The following ZSWIM6 variants were observed in gnomAD, a reference collection of about 807,000 sequenced individuals.
The protein encoded by ZSWIM6 is zinc finger SWIM-type containing 6, also known as zinc finger SWIM domain-containing protein 6.
Under a neutral mutation model 113.2 loss-of-function variants are expected in ZSWIM6, and 9 were observed. The observed-to-expected ratio is 0.08, with a 90% confidence interval of 0.05 to 0.14. The LOEUF is 0.14. Among genes scored for constraint, ZSWIM6 ranks in the 10% least tolerant of loss-of-function variants. The pLI is 1.00. For missense variants in ZSWIM6, 1,162 were observed against 1,552.2 expected (o/e 0.75, Z 4.22); for synonymous variants, 611 against 606.5 (o/e 1.01, Z -0.11).
chr5:61,488,356 T>C (rs1459452472), intron 2 of ZSWIM6, among the ~76,000 whole-genome samples: 1 of 151,916 alleles, frequency 6.6e-6, no homozygotes, highest in Non-Finnish European at 1.5e-5. Flanking sequence ...TTTGGTACCA[T>C]GCTGACATTA....
chr5:61,339,728 A>G (rs992726947), intron 1 of ZSWIM6, among the ~76,000 whole-genome samples: 3 of 152,194 alleles, frequency 2.0e-5, no homozygotes, highest in East Asian at 1.9e-4. Flanking sequence ...AAGGTAGTAA[A>G]CAGTATGAAA....
Position 61,468,671 on chromosome 5 carries a change from G to T in ZSWIM6, c.677-4010G>T, listed in dbSNP as rs1580011484. On this transcript the variant is annotated intron_variant, in intron 1 of 13. Transcript: ENST00000252744. ...AAACAAAACCTAAGAGGTATGACCA[G>T]CAGGGGGATGTTTTACAGCCTTCTT... Among the ~76,000 whole-genome samples the T allele has an allele frequency of 2.0e-5, 3 of 152,276 alleles. No homozygotes were observed. The South Asian group carries it at 6.2e-4, about 32-fold the overall frequency.
intron 1 of ZSWIM6, among the ~76,000 whole-genome samples, chr5:61,399,079 T>C (rs1024338103): frequency 6.6e-6 from 1 of 151,554 alleles, no homozygotes; most frequent in Admixed American, 6.6e-5. Flanking sequence ...CATGCCACCA[T>C]GCCAGGCTAA....
chr5:61,476,405 AAT>A (rs1257260173), intron 2 of ZSWIM6, among the ~76,000 whole-genome samples: 4 of 152,184 alleles, frequency 2.6e-5, no homozygotes, highest in African/African-American at 9.6e-5. Flanking sequence ...AGGTTGTTGG[AAT>A]ATAGTTTGTC....
At chr5:61,489,715 A>G (rs1292162190) in intron 2 of ZSWIM6, among the ~76,000 whole-genome samples, 2 of 152,054 alleles carry the variant, frequency 1.3e-5, no homozygotes, top group Non-Finnish European at 2.9e-5. Flanking sequence ...TTGTACCGCT[A>G]TTCTATCTCC....
intron 12 of ZSWIM6, among the ~76,000 whole-genome samples, chr5:61,541,339 CAG>C (rs1749732774): frequency 6.6e-6 from 1 of 152,132 alleles, no homozygotes; most frequent in Non-Finnish European, 1.5e-5. Flanking sequence ...AAAACAAAAT[CAG>C]ATCACTAATG....
intron 7 of ZSWIM6, 71 bp from the exon 8 acceptor site, chr5:61,529,981 C>T: frequency 1.5e-6 from 2 of 1,351,558 alleles, no homozygotes; most frequent in Non-Finnish European, 2.0e-6. Flanking sequence ...GGTAAAGCCT[C>T]TGTTTTCCCC....
chr5:61,379,812 T>C (rs1486413862), intron 1 of ZSWIM6, among the ~76,000 whole-genome samples: 1 of 152,156 alleles, frequency 6.6e-6, no homozygotes, highest in East Asian at 1.9e-4. Flanking sequence ...AAAATGCTTA[T>C]CTGCAGCTTG....
chr5:61,388,825 CT>C (rs1451250185), intron 1 of ZSWIM6, among the ~76,000 whole-genome samples: 2 of 152,176 alleles, frequency 1.3e-5, no homozygotes, highest in Non-Finnish European at 2.9e-5. Flanking sequence ...GAGATCCATT[CT>C]GTTTGCATCC....
chr5:61,428,949 A>G (rs188559657), intron 1 of ZSWIM6, among the ~76,000 whole-genome samples: 3 of 152,308 alleles, frequency 2.0e-5, no homozygotes, highest in Non-Finnish European at 4.4e-5. Context: ...GGGAAGAGGG[A>G]ACACTGTAAA....
At chr5:61,507,254 T>C (rs909230740) in intron 4 of ZSWIM6, among the ~76,000 whole-genome samples, 1 of 152,186 alleles carries the variant, frequency 6.6e-6, no homozygotes, top group Non-Finnish European at 1.5e-5. Context: ...CAATTCATTG[T>C]TCAAAAAACC....
chr5:61,493,402 G>A (rs1218696079), intron 3 of ZSWIM6, among the ~76,000 whole-genome samples: 2 of 152,070 alleles, frequency 1.3e-5, no homozygotes, highest in African/African-American at 2.4e-5. Flanking sequence ...TGAATTGTAC[G>A]TTTTAAATTG....
Position 61,531,694 on chromosome 5 carries a change from T to G in ZSWIM6, c.2214T>G (p.Ile738Met), listed in dbSNP as rs1382893991. Residue 738 changes from isoleucine to methionine, a missense_variant, in exon 9 of 14, where the codon ATT (isoleucine) becomes ATG (methionine). Physicochemically the swap from Ile to Met is conservative, Grantham distance 10. Around this residue, in one of 4 missense-constraint regions of ZSWIM6, gnomAD observed 620 missense variants for 804.6 expected, o/e 0.77. Coordinates refer to ENST00000252744, the MANE Select transcript of ZSWIM6 (RefSeq NM_020928.2). ...AATTGGATGACACACTGGTGAAAAT[T>G]TTTCGCAAGCAAGCAGTCTTCCTAT... ...EIELDDTLVKIFRKQAVFLLE... is the reference protein window; with the variant it reads ...EIELDDTLVKMFRKQAVFLLE... 3 of 1,551,520 alleles carry G rather than the reference T, an allele frequency of 1.9e-6. No homozygotes were observed. Among genetic ancestry groups the G allele is most frequent in the Non-Finnish European group, 2.6e-6 (3 of 1,146,970 alleles).
chr5:61,442,076 A>G (rs1393875893), intron 1 of ZSWIM6, among the ~76,000 whole-genome samples: 1 of 152,138 alleles, frequency 6.6e-6, no homozygotes, highest in Non-Finnish European at 1.5e-5. Context: ...GGAGTTGGTC[A>G]ACAGAAAGCA....
At chr5:61,358,004 A>G (rs973651407) in intron 1 of ZSWIM6, among the ~76,000 whole-genome samples, 31 of 152,180 alleles carry the variant, frequency 2.0e-4, no homozygotes, top group Non-Finnish European at 4.4e-5. Flanking sequence ...AATTTTTGAC[A>G]ACTTTCCTGG....
At chr5:61,406,384 G>A (rs1184767549) in intron 1 of ZSWIM6, among the ~76,000 whole-genome samples, 1 of 152,102 alleles carries the variant, frequency 6.6e-6, no homozygotes, top group African/African-American at 2.4e-5. Flanking sequence ...TAGGGACCTG[G>A]TGTAGTAATC....
At chr5:61,539,549 G>A in intron 11 of ZSWIM6, 47 bp from the exon 12 acceptor site, 3 of 1,519,390 alleles carry the variant, frequency 2.0e-6, no homozygotes, top group Non-Finnish European at 2.7e-6. Context: ...TGTTTGTCTT[G>A]CTTTGCTTTG....
intron 1 of ZSWIM6, among the ~76,000 whole-genome samples, chr5:61,449,517 A>C (rs945936596): frequency 1.3e-5 from 2 of 152,128 alleles, no homozygotes. Flanking sequence ...GATGCACGCT[A>C]TTGTACCCAG....
chr5:61,421,695 C>G lies in ZSWIM6; in HGVS notation c.677-50986C>G, dbSNP rs529775714. Among the ~76,000 whole-genome samples, 359 of 152,258 alleles carry G rather than the reference C, an allele frequency of 2.4e-3. 1 individual carries two copies. Among genetic ancestry groups the G allele is most frequent in the South Asian group, 0.016 (79 of 4,826 alleles). On this transcript the variant is annotated intron_variant, in intron 1 of 13. Transcript: ENST00000252744. ...CTTCTTTGTGTCCATGAGTTCTCAT[C>G]ATTTAGCTTCCACTTATAAGTGAGA...
Sources: allele counts gnomAD v4.1 joint callset (sites outside exome capture counted in the v4.1 genomes callset), GRCh38; gene constraint gnomAD v4.1.1; regional missense constraint gnomAD v4.1.1; transcripts MANE v1.5; gene names NCBI Gene and HGNC (gene_info 2026-07-23, HGNC 2026-07-21).